The following AP3D1 variants were observed in gnomAD, a reference collection of about 807,000 sequenced individuals.
AP3D1 encodes adaptor related protein complex 3 subunit delta 1, also known as AP-3 complex subunit delta-1.
A neutral mutation model predicts 147.6 loss-of-function variants in AP3D1; 51 were observed. The observed-to-expected ratio is 0.35, with a 90% confidence interval of 0.28 to 0.44. The LOEUF is 0.44. AP3D1 is among the 20% of genes least tolerant of loss of function. AP3D1 has a pLI of 1.00. For synonymous variants in AP3D1, 760 were observed against 663.0 expected (o/e 1.15, Z -2.25); for missense variants, 1,421 against 1,624.2 (o/e 0.87, Z 2.15).
At chr19:2,108,658 C>T (rs761288715) in intron 31 of AP3D1, 29 bp downstream of exon 31, 1 of 1,557,974 alleles carries the variant, frequency 6.4e-7, no homozygotes, top group Non-Finnish European at 8.7e-7. Context: ...TGGCAGGAGC[C>T]AGGGTGTGCA....
chr19:2,119,832 C>T (rs551935734), intron 14 of AP3D1, among the ~76,000 whole-genome samples: 1 of 152,016 alleles, frequency 6.6e-6, no homozygotes, highest in Admixed American at 6.6e-5. Flanking sequence ...ATCCCAGCTA[C>T]TCGGGAAGCT....
chr19:2,130,631 C>A (rs1195596434), intron 5 of AP3D1, 94 bp from the exon 6 acceptor site: 3 of 1,560,638 alleles, frequency 1.9e-6, no homozygotes, highest in South Asian at 1.2e-5. Flanking sequence ...GAGGAGATGC[C>A]CTCCAGCCCG....
At chr19:2,111,533 C>A in intron 25 of AP3D1, 146 bp downstream of exon 25, 1 of 1,259,324 alleles carries the variant, frequency 7.9e-7, no homozygotes, top group South Asian at 1.5e-5. Context: ...GGGCTGCGGG[C>A]CAGGGCCAGT....
chr19:2,127,974 G>A (rs1008184522), intron 8 of AP3D1, among the ~76,000 whole-genome samples: 2 of 152,240 alleles, frequency 1.3e-5, no homozygotes, highest in Admixed American at 6.5e-5. Context: ...CTTCAGCAGT[G>A]AAGTCCGTGT....
Position 2,114,913 on chromosome 19 carries a change from G to A in AP3D1, c.2350-92C>T, listed in dbSNP as rs896592248. 2.8e-5 allele frequency: 39 copies of A among 1,376,764 alleles called. 1 individual carries two copies. The highest frequency in any genetic ancestry group is 6.8e-5 in the Admixed American group (4 of 58,880). 85.3% of individuals were successfully genotyped at this position (1,376,764 alleles called of 1,614,324 possible). A position where few individuals can be genotyped will look rare whatever the true frequency, so the allele number is the denominator to read the frequency against. On this transcript the variant is annotated intron_variant, in intron 20 of 31. Coordinates refer to ENST00000643116, the MANE Select transcript of AP3D1 (RefSeq NM_001261826.3). ...TGGGACGCAGTGGGACTGCCCATGC[G>A]GGCCACACGCACAGGTGGGCAGTGA...
chr19:2,120,126 G>A (rs1255693377), intron 14 of AP3D1, among the ~76,000 whole-genome samples: 2 of 152,204 alleles, frequency 1.3e-5, no homozygotes, highest in African/African-American at 4.8e-5. Flanking sequence ...GGTGGTGATG[G>A]GGCCGGGCCC....
chr19:2,110,191 ATGG>A lies in AP3D1; in HGVS notation c.3206_3208del (p.Thr1069del). 6.2e-7 allele frequency: 1 copy of A among 1,612,704 alleles called. No homozygotes were observed. Among genetic ancestry groups the A allele is most frequent in the Non-Finnish European group, 8.5e-7 (1 of 1,179,952 alleles). On this transcript the variant is annotated inframe_deletion, in exon 28 of 32. Coordinates refer to ENST00000643116, the MANE Select transcript of AP3D1 (RefSeq NM_001261826.3). ...CTTCTGCGCCATGACGATGCTCTGG[ATGG>A]TGAACACATACTGGGCTTCGTTGGA...
Position 2,118,743 on chromosome 19 carries a change from T to C in AP3D1, c.1571A>G (p.Gln524Arg). Residue 524 changes from glutamine to arginine, a missense_variant, in exon 15 of 32, where the codon CAG becomes CGG. Around this residue, in one of 6 missense-constraint regions of AP3D1, gnomAD observed 310 missense variants for 388.1 expected, o/e 0.80. Coordinates refer to ENST00000643116, the MANE Select transcript of AP3D1 (RefSeq NM_001261826.3). ...GGAGGCGTAGAGCTTGACCACGTTC[T>C]GCACATACACGGCCTGGATGTGGCC... is the stretch of plus-strand genomic sequence containing the variant. Reference protein sequence around the residue: ...LPGHIQAVYVQNVVKLYASIL... With the variant: ...LPGHIQAVYVRNVVKLYASIL... 1 of 1,613,812 alleles carries C rather than the reference T, an allele frequency of 6.2e-7. No individual in the cohort carries two copies. The highest frequency in any genetic ancestry group is 8.5e-7 in the Non-Finnish European group (1 of 1,180,022).
At chr19:2,146,284 C>T (rs554552640) in intron 1 of AP3D1, among the ~76,000 whole-genome samples, 1 of 152,140 alleles carries the variant, frequency 6.6e-6, no homozygotes, top group Non-Finnish European at 1.5e-5. Context: ...ATTAAACTTA[C>T]AGAAGTCAGG....
At chr19:2,143,473 C>G (rs1228508184) in intron 1 of AP3D1, among the ~76,000 whole-genome samples, 7 of 151,858 alleles carry the variant, frequency 4.6e-5, no homozygotes, top group Admixed American at 4.6e-4. Flanking sequence ...ATCTCCTGAC[C>G]TTGTGATCCG....
At chr19:2,133,848 G>A (rs1178560510) in intron 4 of AP3D1, among the ~76,000 whole-genome samples, 4 of 150,640 alleles carry the variant, frequency 2.7e-5, no homozygotes, top group African/African-American at 7.3e-5. Flanking sequence ...GGTGGCTCAC[G>A]CCTGTAATCC....
In AP3D1 at chr19:2,101,863, G is replaced by A. The variant is rs570637343; in HGVS notation, c.*310C>T. Reference sequence around the variant, plus strand: ...GCCCTGGCCCAGGACAGGAGCCCCTGAAGCCACATTCAAGGACTCGGCCCC... The same window carrying A: ...GCCCTGGCCCAGGACAGGAGCCCCTAAAGCCACATTCAAGGACTCGGCCCC... On this transcript the variant is annotated 3_prime_UTR_variant, in exon 32 of 32. Coordinates refer to ENST00000643116, the MANE Select transcript of AP3D1 (RefSeq NM_001261826.3). 38 of 360,874 alleles carry A rather than the reference G, an allele frequency of 1.1e-4. No individual in the cohort carries two copies. In the Admixed American group the frequency reaches 1.6e-3, roughly 15 times the overall value. The allele number at this position is 360,874 out of a possible 1,614,324, so 22.4% of individuals were successfully genotyped here.
chr19:2,116,848 C>A (rs2018470331), intron 16 of AP3D1, 102 bp from the exon 17 acceptor site: 1 of 1,407,736 alleles, frequency 7.1e-7, no homozygotes, highest in South Asian at 1.5e-5. Context: ...CATGTGATAT[C>A]CCAAACAGTG....
intron 9 of AP3D1, among the ~76,000 whole-genome samples, chr19:2,125,428 G>T (rs1318414119): frequency 6.6e-6 from 1 of 152,162 alleles, no homozygotes. Context: ...CAATTCTCCT[G>T]CTTCAGCCTC....
intron 9 of AP3D1, among the ~76,000 whole-genome samples, chr19:2,126,169 G>C (rs985962305): frequency 1.3e-5 from 2 of 152,110 alleles, no homozygotes; most frequent in Non-Finnish European, 2.9e-5. Flanking sequence ...CTCTTGCCTC[G>C]GCCTCCTGAA....
intron 1 of AP3D1, among the ~76,000 whole-genome samples, chr19:2,158,148 T>C (rs1195615704): frequency 1.3e-5 from 2 of 151,908 alleles, no homozygotes; most frequent in African/African-American, 4.8e-5. Flanking sequence ...CTCCACCTCC[T>C]GGGTTCACGC....
chr19:2,117,130 G>C (rs2018478055), intron 16 of AP3D1, 92 bp downstream of exon 16: 1 of 1,459,004 alleles, frequency 6.9e-7, no homozygotes, highest in Non-Finnish European at 9.1e-7. Flanking sequence ...CCTCCTGGCT[G>C]TTCAGGGGTG....
intron 26 of AP3D1, 119 bp from the exon 27 acceptor site, chr19:2,111,015 G>A: frequency 8.5e-7 from 1 of 1,183,294 alleles, no homozygotes; most frequent in Admixed American, 2.3e-5. Flanking sequence ...GGAAGGCACG[G>A]AGAGGGGCGC....
intron 1 of AP3D1, among the ~76,000 whole-genome samples, chr19:2,158,440 T>C (rs984925154): frequency 2.0e-5 from 3 of 150,532 alleles, no homozygotes; most frequent in African/African-American, 7.3e-5. Context: ...CACTGCAGCC[T>C]CAACTCCTGG....
Sources: gnomAD v4.1 joint callset for allele counts (sites outside exome capture counted in the v4.1 genomes callset) on GRCh38, gnomAD v4.1.1 for gene constraint, gnomAD v4.1.1 regional missense constraint, MANE v1.5 for transcripts, NCBI Gene and HGNC (gene_info 2026-07-23, HGNC 2026-07-21) for gene names.